Variants in GREB1 observed in about 807,000 individuals in gnomAD.
GREB1 encodes the protein protein GREB1.
A neutral mutation model predicts 200.7 loss-of-function variants in GREB1; 106 were observed. The observed-to-expected ratio is 0.53, with a 90% CI of 0.45 to 0.62. The LOEUF (loss-of-function observed/expected upper bound fraction) is 0.62. Among genes scored for constraint, GREB1 ranks in the 20% least tolerant of loss-of-function variants. The probability of loss-of-function intolerance (pLI) is 0.00; values close to 1 mark genes in which losing one functional copy is unlikely to be tolerated. For synonymous variants in GREB1, 1,132 were observed against 1,092.4 expected (o/e 1.04, Z -0.72); for missense variants, 2,243 against 2,556.8 (o/e 0.88, Z 2.65).
intron 19 of GREB1, among the ~76,000 whole-genome samples, chr2:11,614,798 T>G (rs536550140): frequency 6.6e-6 from 1 of 151,768 alleles, no homozygotes; most frequent in South Asian, 2.1e-4. Context: ...CTCCTGACCT[T>G]GTGATCCGCC....
At chr2:11,556,838 A>G in intron 2 of GREB1, 67 bp downstream of exon 2, 1 of 1,186,134 alleles carries the variant, frequency 8.4e-7, no homozygotes, top group Non-Finnish European at 1.2e-6. Flanking sequence ...TTAGCACCAG[A>G]ACTTGAAACT....
At chr2:11,515,158 TATCCATCCATCC>T (rs542493949) in intron 1 of GREB1, among the ~76,000 whole-genome samples, 8 of 142,412 alleles carry the variant, frequency 5.6e-5, no homozygotes, top group South Asian at 2.2e-4. Flanking sequence ...TCCGTCCATC[TATCCATCCATCC>T]ATCCATCCAT....
intron 25 of GREB1, among the ~76,000 whole-genome samples, chr2:11,628,284 G>A (rs1208190602): frequency 6.6e-6 from 1 of 152,238 alleles, no homozygotes; most frequent in East Asian, 1.9e-4. Flanking sequence ...ACCCGAGCAA[G>A]GGAGAGAGGG....
chr2:11,593,159 C>T (rs768426511), intron 11 of GREB1, 33 bp downstream of exon 11: 4 of 1,435,992 alleles, frequency 2.8e-6, no homozygotes, highest in African/African-American at 2.9e-5. Context: ...GCGGGAAAGC[C>T]CCCTGAACGG....
chr2:11,488,142 G>C (rs2148399535), intron 1 of GREB1, among the ~76,000 whole-genome samples: 1 of 152,242 alleles, frequency 6.6e-6, no homozygotes, highest in Admixed American at 6.5e-5. Context: ...CATCAGTGTT[G>C]TCAGGGAACT....
intron 9 of GREB1, among the ~76,000 whole-genome samples, chr2:11,587,123 G>A (rs569415413): frequency 1.1e-4 from 16 of 152,252 alleles, no homozygotes; most frequent in African/African-American, 1.9e-4. Context: ...GTTCTCAGGC[G>A]TGCTCTGCTC....
chr2:11,637,699 C>G lies in GREB1; in HGVS notation c.5347-17C>G, dbSNP rs746795713. 6.2e-7 allele frequency: 1 copy of G among 1,610,342 alleles called. No individual in the cohort carries two copies. The highest frequency in any genetic ancestry group is 8.5e-7 in the Non-Finnish European group (1 of 1,178,884). Reference sequence around the variant, plus strand: ...CCCTCAGGGCAGTAGTGGCCTGACACCCCCCTTCCCGTGCAGGTGTCTGAT... The same window carrying G: ...CCCTCAGGGCAGTAGTGGCCTGACAGCCCCCTTCCCGTGCAGGTGTCTGAT... On this transcript the variant is annotated splice_polypyrimidine_tract_variant and intron_variant, in intron 30 of 32. Transcript: ENST00000381486.
Position 11,578,368 on chromosome 2 carries a change from G to A in GREB1, c.709G>A (p.Ala237Thr). ...CTTCCCAGCCCTGGAGAGCACGGCT[G>A]CCTTCCCCAGCGAGCCCGTTCCTGG... The part of the protein sequence containing the change: ...SLFPALESTA[A>T]FPSEPVPGTN... The change falls in exon 6 of 33, where the codon GCC becomes ACC. Residue 237 changes from alanine to threonine, a missense_variant. Ala to Thr is a moderately conservative substitution (Grantham distance 58, BLOSUM62 0). Transcript: ENST00000381486. 2 of 1,614,074 alleles carry A rather than the reference G, an allele frequency of 1.2e-6. No individual in the cohort carries two copies. The highest frequency in any genetic ancestry group is 1.1e-5 in the South Asian group (1 of 91,082).
At chr2:11,582,485 C>G (rs571014768) in intron 7 of GREB1, among the ~76,000 whole-genome samples, 22 of 152,354 alleles carry the variant, frequency 1.4e-4, no homozygotes, top group African/African-American at 4.8e-4. Flanking sequence ...GGGCTGCTCT[C>G]TCCACCCGCC....
At chr2:11,501,038 A>T (rs1286428802) in intron 1 of GREB1, among the ~76,000 whole-genome samples, 1 of 152,204 alleles carries the variant, frequency 6.6e-6, no homozygotes. Flanking sequence ...AGGGTCTTAC[A>T]TGAGGTAGTG....
chr2:11,570,301 C>A (rs1678132113), intron 4 of GREB1, among the ~76,000 whole-genome samples: 1 of 151,370 alleles, frequency 6.6e-6, no homozygotes, highest in East Asian at 1.9e-4. Context: ...CCCAGCTACT[C>A]GGGAGGCTGA....
upstream of GREB1, among the ~76,000 whole-genome samples, chr2:11,531,506 CAAG>C (rs1170079653): frequency 6.6e-6 from 1 of 150,966 alleles, no homozygotes; most frequent in Non-Finnish European, 1.5e-5. Flanking sequence ...TGATTAGAAA[CAAG>C]AAAAAAAAAT....
intron 1 of GREB1, among the ~76,000 whole-genome samples, chr2:11,507,748 C>T (rs1171808515): frequency 6.6e-6 from 1 of 152,208 alleles, no homozygotes; most frequent in Admixed American, 6.5e-5. Context: ...GTGCCCCCAA[C>T]AGCTGTGTTC....
Position 11,614,838 on chromosome 2 carries a change from C to T in GREB1, c.3123-253C>T, listed in dbSNP as rs562414767. ...TCGGCCTCCCAAAGTGCTGCAAGCC[C>T]CTTTTTTATCTGACCCAAAAGTTAG... On this transcript the variant is annotated intron_variant, in intron 19 of 32. Transcript: ENST00000381486. Among the ~76,000 whole-genome samples the T allele has an allele frequency of 5.7e-3, 722 of 127,136 alleles. 8 individuals carry two copies. Among genetic ancestry groups the T allele is most frequent in the African/African-American group, 0.018 (675 of 38,332 alleles). 83.4% of individuals were successfully genotyped at this position (127,136 alleles called of 152,430 possible).
At chr2:11,634,450 C>T (rs991822412) in intron 29 of GREB1, 101 bp downstream of exon 29, 34 of 813,792 alleles carry the variant, frequency 4.2e-5, no homozygotes, top group Non-Finnish European at 6.2e-5. Flanking sequence ...GCTGTGAGCA[C>T]TGACCTGGCC....
intron 1 of GREB1, among the ~76,000 whole-genome samples, chr2:11,520,343 G>T (rs1329330658): frequency 6.6e-6 from 1 of 152,152 alleles, no homozygotes; most frequent in Non-Finnish European, 1.5e-5. Context: ...CAGTTCTGGA[G>T]GCCAGAAGAT....
chr2:11,598,673 G>T lies in GREB1; in HGVS notation c.2153-7G>T, dbSNP rs373953865. On this transcript the variant is annotated splice_polypyrimidine_tract_variant and splice_region_variant and intron_variant, in intron 14 of 32. Transcript: ENST00000381486. ...GCAGTTACTGATGTATGTTCTTTGT[G>T]TTGCAGGGGTTTTGCTGGAGCTTGG... The T allele has an allele frequency of 6.2e-7, 1 of 1,613,576 alleles. No individual in the cohort carries two copies. The highest frequency in any genetic ancestry group is 1.1e-5 in the South Asian group (1 of 91,020).
Position 11,634,287 on chromosome 2 carries a change from C to A in GREB1, c.5148C>A (p.His1716Gln). Residue 1716 changes from histidine (H) to glutamine (Q), a missense_variant, in exon 29 of 33, where the codon CAC (histidine) becomes CAA (glutamine). Physicochemically the swap from His to Gln is conservative, Grantham distance 24. Transcript: ENST00000381486. Reference sequence around the variant, plus strand: ...TGCAAGAGCCCTTCTCCCGCTGCCACGTGCACAACTTCATCATCCTGAACG... The same window carrying A: ...TGCAAGAGCCCTTCTCCCGCTGCCAAGTGCACAACTTCATCATCCTGAACG... ...SEVQEPFSRCHVHNFIILNVD... is the reference protein window; with the variant it reads ...SEVQEPFSRCQVHNFIILNVD... 6.2e-7 allele frequency: 1 copy of A among 1,614,224 alleles called. No individual in the cohort carries two copies. The highest frequency in any genetic ancestry group is 8.5e-7 in the Non-Finnish European group (1 of 1,180,032).
chr2:11,564,697 G>A (rs1310629028), intron 3 of GREB1, among the ~76,000 whole-genome samples: 1 of 152,220 alleles, frequency 6.6e-6, no homozygotes, highest in Non-Finnish European at 1.5e-5. Context: ...CCTGGGGATT[G>A]ACCTTGACCT....
Sources: gnomAD v4.1 joint callset for allele counts (sites outside exome capture counted in the v4.1 genomes callset) on GRCh38, gnomAD v4.1.1 for gene constraint, MANE v1.5 for transcripts, NCBI Gene and HGNC (gene_info 2026-07-23, HGNC 2026-07-21) for gene names.